ITGBL1: variants seen among roughly 807,000 people sequenced by gnomAD.
The protein encoded by ITGBL1 is integrin beta-like protein 1.
In ITGBL1, 51 loss-of-function variants were observed where a neutral mutation model predicts 68.5. The ratio of observed to expected loss-of-function variants is 0.74; its 90% CI spans 0.59 to 0.94. The LOEUF (loss-of-function observed/expected upper bound fraction) is 0.94. Ranked by LOEUF, ITGBL1 falls within the 40% of genes least tolerant of loss-of-function variation. The probability of loss-of-function intolerance (pLI) is 0.00; values close to 1 mark genes in which losing one functional copy is unlikely to be tolerated. For missense variants in ITGBL1, 649 were observed against 647.4 expected (o/e 1.00, Z -0.03); for synonymous variants, 209 against 227.3 (o/e 0.92, Z 0.72).
intron 7 of ITGBL1, among the ~76,000 whole-genome samples, chr13:101,614,454 T>C (rs1363309028): frequency 6.6e-6 from 1 of 152,214 alleles, no homozygotes; most frequent in Admixed American, 6.5e-5. Flanking sequence ...CTCAGGATTA[T>C]ATTTTCCTTG....
intron 2 of ITGBL1, among the ~76,000 whole-genome samples, chr13:101,529,325 G>C (rs1422596528): frequency 6.6e-6 from 1 of 152,064 alleles, no homozygotes; most frequent in Non-Finnish European, 1.5e-5. Flanking sequence ...AAAAGTTTCT[G>C]CAGTGAGAAA....
At chr13:101,596,860 A>C (rs1250549727) in intron 6 of ITGBL1, among the ~76,000 whole-genome samples, 1 of 152,140 alleles carries the variant, frequency 6.6e-6, no homozygotes, top group Non-Finnish European at 1.5e-5. Context: ...AACATTAAGG[A>C]AAAGGCAAAA....
At chr13:101,470,879 G>A (rs2048447416) in intron 2 of ITGBL1, among the ~76,000 whole-genome samples, 1 of 140,010 alleles carries the variant, frequency 7.1e-6, no homozygotes, top group Non-Finnish European at 1.5e-5. Flanking sequence ...CATCCTTCTT[G>A]TGTGGTGTTA....
intron 7 of ITGBL1, among the ~76,000 whole-genome samples, chr13:101,691,395 A>G (rs527519697): frequency 2.0e-5 from 3 of 152,322 alleles, no homozygotes; most frequent in African/African-American, 7.2e-5. Context: ...CTCTGAAATT[A>G]TATGATCCTA....
chr13:101,514,481 AG>A (rs1265070330), intron 2 of ITGBL1, among the ~76,000 whole-genome samples: 1 of 152,068 alleles, frequency 6.6e-6, no homozygotes, highest in African/African-American at 2.4e-5. Flanking sequence ...AATCAGTTTT[AG>A]GAGCTAATTT....
chr13:101,668,250 T>A (rs2033271544), intron 7 of ITGBL1, among the ~76,000 whole-genome samples: 1 of 152,054 alleles, frequency 6.6e-6, no homozygotes. Context: ...TAGCCAAGCA[T>A]GGTGGTGGCC....
At chr13:101,559,870 C>T (rs937866771) in intron 2 of ITGBL1, among the ~76,000 whole-genome samples, 8 of 152,170 alleles carry the variant, frequency 5.3e-5, no homozygotes, top group Non-Finnish European at 1.0e-4. Context: ...CCTTTCTTCT[C>T]TTCTTTTTTA....
At chr13:101,496,073 C>T (rs1045926512) in intron 2 of ITGBL1, among the ~76,000 whole-genome samples, 2 of 152,164 alleles carry the variant, frequency 1.3e-5, no homozygotes, top group Middle Eastern at 3.2e-3. Flanking sequence ...CTCACAGATA[C>T]ATATATTCCA....
At chr13:101,550,734 T>C (rs1019265455) in intron 2 of ITGBL1, among the ~76,000 whole-genome samples, 1 of 152,140 alleles carries the variant, frequency 6.6e-6, no homozygotes, top group African/African-American at 2.4e-5. Context: ...AACTGATAAG[T>C]GTGTGCTTGT....
chr13:101,504,189 G>T (rs1263312985), intron 2 of ITGBL1, among the ~76,000 whole-genome samples: 4 of 152,130 alleles, frequency 2.6e-5, no homozygotes, highest in Admixed American at 6.6e-5. Flanking sequence ...ACTGTGGTTA[G>T]GATACATACA....
At chr13:101,605,150 ATG>A (rs151117427) in intron 7 of ITGBL1, among the ~76,000 whole-genome samples, 6,345 of 118,736 alleles carry the variant, frequency 0.053, 645 homozygotes, top group African/African-American at 0.11. Flanking sequence ...ATATATACAT[ATG>A]TGTGTGTATA....
chr13:101,714,803 C>T (rs1051008690), intron 10 of ITGBL1: 2 of 493,366 alleles, frequency 4.1e-6, no homozygotes, highest in East Asian at 3.4e-5. Context: ...AGTAACCTCC[C>T]CACCCTCAAA....
intron 7 of ITGBL1, among the ~76,000 whole-genome samples, chr13:101,648,998 TGA>T (rs1415873915): frequency 1.3e-5 from 2 of 152,160 alleles, no homozygotes; most frequent in Non-Finnish European, 2.9e-5. Context: ...ACTAGGAATA[TGA>T]GACATCTACA....
chr13:101,603,763 T>G (rs1230952410), intron 7 of ITGBL1, among the ~76,000 whole-genome samples: 1 of 151,902 alleles, frequency 6.6e-6, no homozygotes, highest in East Asian at 1.9e-4. Flanking sequence ...ATTAAAAACC[T>G]TGGGAAGTAA....
intron 2 of ITGBL1, among the ~76,000 whole-genome samples, chr13:101,454,413 C>A (rs868395809): frequency 2.9e-5 from 3 of 104,032 alleles, no homozygotes; most frequent in South Asian, 3.7e-4. Flanking sequence ...CCCCCCCCCC[C>A]CCAACTCCTG....
At chr13:101,462,774 G>A (rs1157522135) in intron 2 of ITGBL1, among the ~76,000 whole-genome samples, 1 of 151,978 alleles carries the variant, frequency 6.6e-6, no homozygotes, top group Non-Finnish European at 1.5e-5. Context: ...GTAGAGACAG[G>A]GCTTCACCAT....
intron 2 of ITGBL1, among the ~76,000 whole-genome samples, chr13:101,496,553 C>A (rs570402782): frequency 3.9e-5 from 6 of 152,276 alleles, no homozygotes; most frequent in African/African-American, 1.4e-4. Context: ...GAGAAAAAAT[C>A]TATTTTTAAG....
At chr13:101,565,768 C>T (rs907967861) in intron 2 of ITGBL1, among the ~76,000 whole-genome samples, 3 of 150,236 alleles carry the variant, frequency 2.0e-5, no homozygotes, top group South Asian at 2.1e-4. Flanking sequence ...GTTTATTTTA[C>T]CCTAGAATCT....
intron 7 of ITGBL1, among the ~76,000 whole-genome samples, chr13:101,660,792 A>G (rs1213355276): frequency 6.6e-6 from 1 of 152,226 alleles, no homozygotes; most frequent in Non-Finnish European, 1.5e-5. Flanking sequence ...TTGCAAAGAC[A>G]GTTTCAAGAC....
Sources: gnomAD v4.1 joint callset for allele counts (sites outside exome capture counted in the v4.1 genomes callset) on GRCh38, gnomAD v4.1.1 for gene constraint, MANE v1.5 for transcripts, NCBI Gene and HGNC (gene_info 2026-07-23, HGNC 2026-07-21) for gene names.